The following MAGI2 variants were observed in gnomAD, a reference collection of about 807,000 sequenced individuals.
MAGI2 encodes membrane associated guanylate kinase, WW and PDZ domain containing 2.
Under a neutral mutation model 133.3 loss-of-function variants are expected in MAGI2, and 35 were observed. The observed-to-expected ratio is 0.26, with a 90% CI of 0.20 to 0.35. The LOEUF is 0.35. MAGI2 is among the 10% of genes least tolerant of loss of function. MAGI2 has a pLI of 1.00. For missense variants in MAGI2, 1,636 were observed against 1,863.4 expected, an observed-to-expected ratio of 0.88 and a Z score of 2.25; for synonymous variants, 729 against 710.6, an observed-to-expected ratio of 1.03 and a Z score of -0.41.
chr7:78,413,243 A>G (rs189349281), intron 6 of MAGI2, among the ~76,000 whole-genome samples: 1 of 152,262 alleles, frequency 6.6e-6, no homozygotes, highest in East Asian at 1.9e-4. Context: ...AGACCAATTT[A>G]TATGTCCAAA....
At chr7:78,380,142 AACACACAC>A (rs3061267) in intron 6 of MAGI2, among the ~76,000 whole-genome samples, 4 of 149,064 alleles carry the variant, frequency 2.7e-5, no homozygotes, top group Admixed American at 6.7e-5. Flanking sequence ...CTCTAGGGAC[AACACACAC>A]ACACACACAC....
In MAGI2 at chr7:78,216,576, C is replaced by T. The variant is rs531160864; in HGVS notation, c.2048-15383G>A. 7.6e-4 allele frequency among the ~76,000 whole-genome samples: 116 copies of T among 152,322 alleles called. 1 individual carries two copies. The highest frequency in any genetic ancestry group is 2.7e-3 in the African/African-American group (114 of 41,570). On this transcript the variant is annotated intron_variant, in intron 10 of 21. Coordinates refer to ENST00000354212, the MANE Select transcript of MAGI2 (RefSeq NM_012301.4). The stretch of plus-strand genomic sequence containing the variant: ...TCCTCCGGCCACAGGGACCTTCTTT[C>T]AGACTCTTCAGTCTCCCTCTTACCA...
At chr7:78,530,076 C>G (rs1288420969) in intron 3 of MAGI2, among the ~76,000 whole-genome samples, 1 of 152,100 alleles carries the variant, frequency 6.6e-6, no homozygotes, top group Non-Finnish European at 1.5e-5. Context: ...ACAGCACAGC[C>G]TCAGATAATC....
intron 1 of MAGI2, among the ~76,000 whole-genome samples, chr7:79,346,011 T>A (rs747222569): frequency 3.3e-5 from 5 of 152,104 alleles, no homozygotes; most frequent in Non-Finnish European, 7.4e-5. Context: ...TTCTACATTT[T>A]TCTCTTCTTA....
intron 9 of MAGI2, among the ~76,000 whole-genome samples, chr7:78,262,377 A>C (rs1309996074): frequency 1.3e-5 from 2 of 152,146 alleles, no homozygotes; most frequent in African/African-American, 2.4e-5. Flanking sequence ...TTTTCTATGT[A>C]TTATGAGCCC....
intron 2 of MAGI2, among the ~76,000 whole-genome samples, chr7:78,657,381 T>G (rs1812418770): frequency 6.6e-6 from 1 of 152,264 alleles, no homozygotes; most frequent in Non-Finnish European, 1.5e-5. Flanking sequence ...TGGATGTTTG[T>G]AGAATCTTTA....
intron 2 of MAGI2, among the ~76,000 whole-genome samples, chr7:78,801,437 C>T (rs1333067075): frequency 6.6e-6 from 1 of 152,052 alleles, no homozygotes; most frequent in Non-Finnish European, 1.5e-5. Context: ...AGAAATGAGG[C>T]ACAAGGTTTG....
chr7:79,099,295 C>G (rs988450203), intron 1 of MAGI2, among the ~76,000 whole-genome samples: 1 of 151,548 alleles, frequency 6.6e-6, no homozygotes, highest in South Asian at 2.1e-4. Flanking sequence ...ATACAAAGTT[C>G]TAGGATTAAA....
At chr7:78,612,576 A>G (rs1806571958) in intron 3 of MAGI2, among the ~76,000 whole-genome samples, 1 of 152,192 alleles carries the variant, frequency 6.6e-6, no homozygotes, top group Non-Finnish European at 1.5e-5. Flanking sequence ...GTTTTCCCCT[A>G]CCAGCCTCCT....
At chr7:79,189,669 T>C (rs1035426770) in intron 1 of MAGI2, among the ~76,000 whole-genome samples, 3 of 151,808 alleles carry the variant, frequency 2.0e-5, no homozygotes, top group African/African-American at 7.3e-5. Flanking sequence ...GTTCAAGCTA[T>C]ATATTGTATA....
At chr7:78,208,090 G>C (rs866194790) in intron 10 of MAGI2, among the ~76,000 whole-genome samples, 1 of 144,646 alleles carries the variant, frequency 6.9e-6, no homozygotes, top group East Asian at 2.1e-4. Context: ...GGCTGGTCTC[G>C]AACTCCTGAC....
intron 3 of MAGI2, among the ~76,000 whole-genome samples, chr7:78,553,885 C>T (rs866518733): frequency 2.6e-5 from 4 of 152,000 alleles, no homozygotes; most frequent in Admixed American, 6.6e-5. Flanking sequence ...GGGAGTAGGG[C>T]CCGGGGTAGT....
chr7:79,369,390 C>T lies in MAGI2; in HGVS notation c.301+83630G>A, dbSNP rs140795618. On this transcript the variant is annotated intron_variant, in intron 1 of 21. Coordinates refer to ENST00000354212, the MANE Select transcript of MAGI2 (RefSeq NM_012301.4). ...TCAACTTAGTCCTCTAACCAAGGAA[C>T]ATACATGATTCACTCAATGCAGACA... is the stretch of plus-strand genomic sequence containing the variant. Among the ~76,000 whole-genome samples the T allele has an allele frequency of 5.1e-4, 77 of 152,294 alleles. 1 individual carries two copies. Among genetic ancestry groups the T allele is most frequent in the African/African-American group, 1.9e-3 (77 of 41,556 alleles).
intron 1 of MAGI2, among the ~76,000 whole-genome samples, chr7:79,152,162 G>A (rs1473330745): frequency 1.3e-5 from 2 of 152,192 alleles, no homozygotes; most frequent in Non-Finnish European, 2.9e-5. Context: ...GTGTGTAGAA[G>A]AGTATCTAAG....
intron 7 of MAGI2, among the ~76,000 whole-genome samples, chr7:78,366,968 A>T (rs915823370): frequency 6.6e-6 from 1 of 152,148 alleles, no homozygotes; most frequent in Admixed American, 6.5e-5. Context: ...TTAAAATCTA[A>T]AACTATTAAA....
At chr7:78,106,281 C>T (rs75597618) in intron 20 of MAGI2, among the ~76,000 whole-genome samples, 18,151 of 152,064 alleles carry the variant, frequency 0.12, 1,334 homozygotes, top group South Asian at 0.19. Context: ...AAGGTTGATG[C>T]CAAATCTTTG....
intron 1 of MAGI2, among the ~76,000 whole-genome samples, chr7:79,027,806 T>C (rs1584725941): frequency 6.6e-6 from 1 of 152,164 alleles, no homozygotes; most frequent in East Asian, 1.9e-4. Context: ...TTATAAGTTG[T>C]CAATATAGAA....
chr7:78,279,372 A>C (rs1193786525), intron 9 of MAGI2, among the ~76,000 whole-genome samples: 1 of 152,094 alleles, frequency 6.6e-6, no homozygotes, highest in Non-Finnish European at 1.5e-5. Context: ...CTTTGTAGGT[A>C]AGTTGTGACA....
At chr7:78,263,029 T>C (rs1157222933) in intron 9 of MAGI2, among the ~76,000 whole-genome samples, 1 of 152,138 alleles carries the variant, frequency 6.6e-6, no homozygotes, top group South Asian at 2.1e-4. Context: ...CATCTTTATG[T>C]CCATGAATAT....
Sources: allele counts gnomAD v4.1 joint callset (sites outside exome capture counted in the v4.1 genomes callset), GRCh38; gene constraint gnomAD v4.1.1; transcripts MANE v1.5; gene names NCBI Gene and HGNC (gene_info 2026-07-23, HGNC 2026-07-21).